The following ETFRF1 variants were observed in gnomAD, a reference collection of about 807,000 sequenced individuals.
ETFRF1 encodes LYR motif containing 5.
In ETFRF1, 12 loss-of-function variants were observed where a neutral mutation model predicts 9.0. The observed-to-expected ratio is 1.34, with a 90% CI of 0.86 to 2.16. ETFRF1 has a LOEUF of 2.16. Ranked by LOEUF, ETFRF1 falls within the 30% of genes most tolerant of loss-of-function variation. ETFRF1 has a pLI of 0.00. For missense variants in ETFRF1, 98 were observed against 101.8 expected, an observed-to-expected ratio of 0.96 and a Z score of 0.16; for synonymous variants, 34 against 33.2, an observed-to-expected ratio of 1.02 and a Z score of -0.08.
intron 2 of ETFRF1, 34 bp from the exon 3 acceptor site, chr12:25,204,057 A>G: frequency 1.9e-6 from 3 of 1,546,354 alleles, no homozygotes; most frequent in Non-Finnish European, 2.6e-6. Context: ...TATGACATGG[A>G]TTGTTTAGAA....
Position 25,204,574 on chromosome 12 carries a change from AC to A in ETFRF1, c.*263del. 3.4e-6 allele frequency: 1 copy of A among 292,306 alleles called. No individual in the cohort carries two copies. Among genetic ancestry groups the A allele is most frequent in the Non-Finnish European group, 6.3e-6 (1 of 159,614 alleles). 18.1% of individuals were successfully genotyped at this position (292,306 alleles called of 1,614,324 possible). A position where few individuals can be genotyped will look rare whatever the true frequency, so the allele number is the denominator to read the frequency against. On this transcript the variant is annotated 3_prime_UTR_variant, in exon 3 of 3. Transcript: ENST00000381356. Reference sequence around the variant, plus strand: ...ACCCAATTTTGAATGAAAATATAATACACTTAATCCTCTAACTTAATAGGAC... The same window carrying A: ...ACCCAATTTTGAATGAAAATATAATAACTTAATCCTCTAACTTAATAGGAC...
At chr12:25,203,659 C>G (rs1033436727) in intron 1 of ETFRF1, 1 of 277,798 alleles carries the variant, frequency 3.6e-6, no homozygotes, top group Non-Finnish European at 6.6e-6. Context: ...TGATGACAAT[C>G]CACTTTCTCA....
At position 25,199,312 on chromosome 12, in the gene ETFRF1, A is replaced by G. The variant is rs537976538; in HGVS notation, c.-38+3975A>G. On this transcript the variant is annotated intron_variant, in intron 1 of 2. Transcript: ENST00000381356. ...TACTACGTAGTATGTACTACATAGT[A>G]CATATAGTACATATAGTACATACTG... Among the ~76,000 whole-genome samples the G allele has an allele frequency of 2.0e-4, 27 of 137,460 alleles. No individual in the cohort carries two copies. The South Asian group carries it at 6.1e-3, about 31-fold the overall frequency. 90.2% of individuals were successfully genotyped at this position (137,460 alleles called of 152,430 possible).
At chr12:25,195,372 A>G (rs1950963942) in intron 1 of ETFRF1, 35 bp downstream of exon 1, 2 of 580,688 alleles carry the variant, frequency 3.4e-6, no homozygotes, top group Admixed American at 6.1e-5. Flanking sequence ...GTTTTGTTCC[A>G]TTTCCCGGAT....
intron 1 of ETFRF1, 38 bp downstream of exon 1, chr12:25,195,375 T>A (rs1413396661): frequency 1.7e-6 from 1 of 577,184 alleles, no homozygotes; most frequent in African/African-American, 1.9e-5. Context: ...TTGTTCCATT[T>A]CCCGGATCCT....
At chr12:25,199,619 T>TACACACACACAC (rs56221882) in intron 1 of ETFRF1, among the ~76,000 whole-genome samples, 2,433 of 143,616 alleles carry the variant, frequency 0.017, 38 homozygotes, top group African/African-American at 0.043. Context: ...TATGTATACA[T>TACACACACACAC]ACACACACAC....
At position 25,204,424 on chromosome 12, in the gene ETFRF1, A is replaced by G. The variant is rs1951109190; in HGVS notation, c.*112A>G. The G allele has an allele frequency of 2.3e-6, 2 of 855,546 alleles. No individual in the cohort carries two copies. The highest frequency in any genetic ancestry group is 2.6e-5 in the South Asian group (1 of 38,128). 53.0% of individuals were successfully genotyped at this position (855,546 alleles called of 1,614,324 possible). A position where few individuals can be genotyped will look rare whatever the true frequency, so the allele number is the denominator to read the frequency against. The stretch of plus-strand genomic sequence containing the variant: ...ATACATGTTGTGTAAAAAATCCCTG[A>G]GCTGCCCTACTGAACTAAATAGGTT... On this transcript the variant is annotated 3_prime_UTR_variant, in exon 3 of 3. Coordinates refer to ENST00000381356, the MANE Select transcript of ETFRF1 (RefSeq NM_001001660.3).
intron 1 of ETFRF1, among the ~76,000 whole-genome samples, chr12:25,199,757 G>C (rs563494843): frequency 2.6e-5 from 4 of 151,754 alleles, no homozygotes; most frequent in African/African-American, 4.8e-5. Flanking sequence ...CCATTCCCAG[G>C]CTACTCTATT....
At position 25,204,250 on chromosome 12, in the gene ETFRF1, T is replaced by C. The variant is rs1364662695; in HGVS notation, c.211T>C (p.Phe71Leu). ...AATGAAAGAGCTAGAAGCTTTGTAC[T>C]TCCTTAGGAAATACAGAGCTATGAA... The part of the protein sequence containing the change: ...FVMKELEALY[F>L]LRKYRAMKQR... Residue 71 changes from phenylalanine (F) to leucine (L), a missense_variant, in exon 3 of 3, where the codon TTC (phenylalanine) becomes CTC (leucine). Transcript: ENST00000381356. The C allele has an allele frequency of 6.2e-7, 1 of 1,606,542 alleles. No individual in the cohort carries two copies. The highest frequency in any genetic ancestry group is 8.5e-7 in the Non-Finnish European group (1 of 1,177,960).
chr12:25,196,762 G>C (rs1159112499), intron 1 of ETFRF1, among the ~76,000 whole-genome samples: 1 of 152,194 alleles, frequency 6.6e-6, no homozygotes, highest in African/African-American at 2.4e-5. Flanking sequence ...GGGCCCTGCT[G>C]AACTCAAAAT....
intron 1 of ETFRF1, among the ~76,000 whole-genome samples, chr12:25,202,609 T>TGGTGGC (rs1415118491): frequency 6.6e-6 from 1 of 152,008 alleles, no homozygotes; most frequent in Non-Finnish European, 1.5e-5. Flanking sequence ...GCATGTGGGA[T>TGGTGGC]GGTGGCAGTG....
At position 25,204,242 on chromosome 12, in the gene ETFRF1, C is replaced by A; in HGVS notation, c.203C>A (p.Ala68Asp). 1.2e-6 allele frequency: 2 copies of A among 1,609,590 alleles called. No homozygotes were observed. Among genetic ancestry groups the A allele is most frequent in the Non-Finnish European group, 1.7e-6 (2 of 1,178,666 alleles). Residue 68 changes from alanine to aspartate, a missense_variant, in exon 3 of 3, where the codon GCT (alanine) becomes GAT (aspartate). By Grantham distance (126) the Ala-to-Asp change is moderately radical. Coordinates refer to ENST00000381356, the MANE Select transcript of ETFRF1 (RefSeq NM_001001660.3). ...QGEFVMKELE[A>D]LYFLRKYRAM... ...GAATTTGTAATGAAAGAGCTAGAAG[C>A]TTTGTACTTCCTTAGGAAATACAGA... is the stretch of plus-strand genomic sequence containing the variant.
intron 1 of ETFRF1, 100 bp downstream of exon 1, chr12:25,195,437 A>G: frequency 2.1e-6 from 1 of 478,492 alleles, no homozygotes. Context: ...GTGTGGGAAG[A>G]GGGTTCTGAG....
intron 1 of ETFRF1, among the ~76,000 whole-genome samples, chr12:25,199,619 T>TACACACACACACAC (rs56221882): frequency 0.033 from 4,791 of 143,550 alleles, 81 homozygotes; most frequent in Middle Eastern, 0.051. Context: ...TATGTATACA[T>TACACACACACACAC]ACACACACAC....
Position 25,195,261 on chromosome 12 carries a change from A to C in ETFRF1, c.-114A>C. 4.5e-6 allele frequency: 3 copies of C among 661,236 alleles called. No individual in the cohort carries two copies. The highest frequency in any genetic ancestry group is 1.7e-5 in the South Asian group (1 of 59,126). The allele number at this position is 661,236 out of a possible 1,614,324, so 41.0% of individuals were successfully genotyped here. A position where few individuals can be genotyped will look rare whatever the true frequency, so the allele number is the denominator to read the frequency against. ...TACTGACAGGTTGCCCACCTCCCCC[A>C]ACGCCACCCCGCTTCGCAGTAGACG... On this transcript the variant is annotated 5_prime_UTR_variant, in exon 1 of 3. Transcript: ENST00000381356.
chr12:25,198,426 C>G lies in ETFRF1; in HGVS notation c.-38+3089C>G, dbSNP rs146025347. 4.5e-4 allele frequency among the ~76,000 whole-genome samples: 68 copies of G among 152,218 alleles called. No individual in the cohort carries two copies. In the East Asian group the frequency reaches 0.011, roughly 24 times the overall value. On this transcript the variant is annotated intron_variant, in intron 1 of 2. Coordinates refer to ENST00000381356, the MANE Select transcript of ETFRF1 (RefSeq NM_001001660.3). ...AGTGAAGCCCAGAGTCTATATGCTT[C>G]ACCCACGTATACAGATCTAAAAAGC...
At chr12:25,199,106 A>G (rs900025169) in intron 1 of ETFRF1, among the ~76,000 whole-genome samples, 1 of 152,014 alleles carries the variant, frequency 6.6e-6, no homozygotes, top group Non-Finnish European at 1.5e-5. Context: ...TTACACTTAC[A>G]AAGTATAATT....
rs1951105876 is a variant in ETFRF1 at position 25,204,265 on chromosome 12, A to G, written c.226A>G (p.Arg76Gly). The G allele has an allele frequency of 1.3e-6, 2 of 1,598,696 alleles. No individual in the cohort carries two copies. The highest frequency in any genetic ancestry group is 3.6e-5 in the Admixed American group (2 of 55,504). Residue 76 changes from arginine (R) to glycine (G), a missense_variant, in exon 3 of 3, where the codon AGA (arginine) becomes GGA (glycine). Coordinates refer to ENST00000381356, the MANE Select transcript of ETFRF1 (RefSeq NM_001001660.3). ...LEALYFLRKY[R>G]AMKQRYYSDT... ...AGCTTTGTACTTCCTTAGGAAATACAGAGCTATGAAACAACGCTATTATTC... is the reference window on the plus strand; with the variant it reads ...AGCTTTGTACTTCCTTAGGAAATACGGAGCTATGAAACAACGCTATTATTC...
intron 2 of ETFRF1, 39 bp downstream of exon 2, chr12:25,204,046 A>T (rs1951101786): frequency 6.5e-7 from 1 of 1,537,920 alleles, no homozygotes; most frequent in Admixed American, 2.0e-5. Flanking sequence ...AAATGTTATT[A>T]TATGACATGG....
Sources: gnomAD v4.1 joint callset for allele counts (sites outside exome capture counted in the v4.1 genomes callset) on GRCh38, gnomAD v4.1.1 for gene constraint, MANE v1.5 for transcripts, NCBI Gene and HGNC (gene_info 2026-07-23, HGNC 2026-07-21) for gene names.